Variants in TMEM31 observed in about 807,000 individuals in gnomAD.
The protein encoded by TMEM31 is testicular secretory protein Li 58.
TMEM31 carries 1 observed loss-of-function variant against 2.4 expected under a neutral mutation model. The ratio of observed to expected loss-of-function variants is 0.42; its 90% CI spans 0.15 to 1.97. The LOEUF (loss-of-function observed/expected upper bound fraction) is 1.97, where lower values mean the gene tolerates loss of function less well. TMEM31 is among the 30% of genes most tolerant of loss of function. TMEM31 has a pLI of 0.30. For synonymous variants in TMEM31, 47 were observed against 45.8 expected, an observed-to-expected ratio of 1.03 and a Z score of -0.10; for missense variants, 119 against 121.3, an observed-to-expected ratio of 0.98 and a Z score of 0.09.
At chrX:103,711,661 C>G (rs2074224539) in intron 1 of TMEM31, among the ~76,000 whole-genome samples, 1 of 111,513 alleles carries the variant, frequency 9.0e-6, no homozygotes, top group Non-Finnish European at 1.9e-5. Flanking sequence ...AGAGGGCGTA[C>G]TGCCCAGGGA....
intron 2 of TMEM31, among the ~76,000 whole-genome samples, chrX:103,713,042 C>T (rs1392373356): frequency 9.0e-6 from 1 of 110,576 alleles, no homozygotes; most frequent in African/African-American, 3.3e-5. Context: ...AAGTACTTAG[C>T]TTAACAGTGA....
intron 2 of TMEM31, among the ~76,000 whole-genome samples, chrX:103,712,867 A>G (rs1360487680): frequency 2.7e-5 from 3 of 112,085 alleles, no homozygotes; most frequent in Non-Finnish European, 5.6e-5. Context: ...AGGTTCTACT[A>G]CTAGCTAACA....
At chrX:103,711,483 CAAAAA>C (rs55932537) in intron 1 of TMEM31, among the ~76,000 whole-genome samples, 1 of 62,738 alleles carries the variant, frequency 1.6e-5, no homozygotes. Context: ...GACTCCGTCT[CAAAAA>C]AAAAAAAAAA....
chrX:103,712,107 C>T, intron 1 of TMEM31, 129 bp from the exon 2 acceptor site: 1 of 457,332 alleles, frequency 2.2e-6, no homozygotes, highest in South Asian at 3.6e-5. Flanking sequence ...TAATTGGACA[C>T]TTGCTTCTGT....
chrX:103,711,753 C>T (rs1324026151), intron 1 of TMEM31, among the ~76,000 whole-genome samples: 1 of 111,559 alleles, frequency 9.0e-6, no homozygotes, highest in Non-Finnish European at 1.9e-5. Context: ...CAGAAAGGAA[C>T]CTTAGCAAGG....
At chrX:103,711,149 T>G (rs2074221233) in intron 1 of TMEM31, 73 bp downstream of exon 1, 2 of 110,730 alleles carry the variant, frequency 1.8e-5, no homozygotes, top group Non-Finnish European at 3.8e-5. Flanking sequence ...GCAGATTTGT[T>G]CGACACAGCT....
chrX:103,713,458 C>T (rs983806976), intron 2 of TMEM31, 136 bp from the exon 3 acceptor site: 3 of 1,139,630 alleles, frequency 2.6e-6, no homozygotes, highest in African/African-American at 1.8e-5. Flanking sequence ...TGTGGGGAGG[C>T]GGAGTAGGGA....
chrX:103,711,973 T>C (rs1214491318), intron 1 of TMEM31, among the ~76,000 whole-genome samples: 1 of 111,967 alleles, frequency 8.9e-6, no homozygotes, highest in Non-Finnish European at 1.9e-5. Flanking sequence ...CTTGCCTCTC[T>C]GGCTTTAGAG....
At chrX:103,711,112 A>G (rs1013453390) in intron 1 of TMEM31, 36 bp downstream of exon 1, 1 of 110,877 alleles carries the variant, frequency 9.0e-6, no homozygotes, top group African/African-American at 3.3e-5. Flanking sequence ...CAAAACTCCT[A>G]TAAAGATAAG....
chrX:103,712,443 T>C, intron 2 of TMEM31, 83 bp downstream of exon 2: 1 of 842,075 alleles, frequency 1.2e-6, no homozygotes, highest in South Asian at 2.8e-5. Context: ...TGCCTGATTG[T>C]TGAATTCTTA....
intron 2 of TMEM31, 52 bp downstream of exon 2, chrX:103,712,412 G>A (rs751002637): frequency 2.9e-6 from 3 of 1,026,489 alleles, no homozygotes; most frequent in Non-Finnish European, 4.0e-6. Context: ...CTCTTATAAT[G>A]CTCCCCTAGA....
In TMEM31 at chrX:103,713,993, T is replaced by C. The variant is rs1359721078; in HGVS notation, c.502T>C (p.Phe168Leu). The change falls in exon 3 of 3, where the codon TTC (phenylalanine) becomes CTC (leucine). Residue 168 changes from phenylalanine to leucine, a missense_variant. Phe to Leu is a conservative substitution (Grantham distance 22). Coordinates refer to ENST00000319560, the MANE Select transcript of TMEM31 (RefSeq NM_182541.2). Reference protein sequence around the residue: ...LFIIVFILIFF With the variant: ...LFIIVFILIFL ...TATTATTGTCTTCATTCTGATCTTC[T>C]TCTGATTCTTTTGTTTCAATAAACA... is the stretch of plus-strand genomic sequence containing the variant. 1 of 1,179,474 alleles carries C rather than the reference T, an allele frequency of 8.5e-7. No homozygotes were observed. Among genetic ancestry groups the C allele is most frequent in the Non-Finnish European group, 1.1e-6 (1 of 880,448 alleles).
chrX:103,711,576 T>G (rs969647358), intron 1 of TMEM31, among the ~76,000 whole-genome samples: 3 of 111,558 alleles, frequency 2.7e-5, no homozygotes, highest in Non-Finnish European at 3.8e-5. Context: ...ACCCTTGGTA[T>G]GGGTTAGGAA....
chrX:103,713,800 A>G lies in TMEM31; in HGVS notation c.309A>G (p.Glu103=). 8.3e-7 allele frequency: 1 copy of G among 1,211,846 alleles called. No individual in the cohort carries two copies. The highest frequency in any genetic ancestry group is 1.1e-6 in the Non-Finnish European group (1 of 895,556). The part of the protein sequence containing the change: ...LYPEFLLVFK[E]AFHDISHCLK... ...CTGAATTTCTTCTGGTGTTTAAAGA[A>G]GCCTTCCATGACATATCCCATTGTC... Residue 103 remains glutamate, a synonymous_variant, in exon 3 of 3, where the codon GAA becomes GAG. Coordinates refer to ENST00000319560, the MANE Select transcript of TMEM31 (RefSeq NM_182541.2).
intron 2 of TMEM31, 133 bp from the exon 3 acceptor site, chrX:103,713,461 A>C (rs997123730): frequency 8.7e-7 from 1 of 1,149,659 alleles, no homozygotes. Context: ...GGGGAGGCGG[A>C]GTAGGGAGGA....
rs775053588 is a variant in TMEM31, at chrX:103,712,337, G to A, written c.79G>A (p.Glu27Lys). The change falls in exon 2 of 3, where the codon GAA becomes AAA. Residue 27 changes from glutamate (E) to lysine (K), a missense_variant. Transcript: ENST00000319560. ...TAATGCACCCAATGAAGATCAAGAA[G>A]AAGAAATCCAACAGTCAGAACAGGC... ...NSNAPNEDQE[E>K]EIQQSEQHTP... is the part of the protein sequence containing the mutation. 8.3e-7 allele frequency: 1 copy of A among 1,209,392 alleles called. No individual in the cohort carries two copies. Among genetic ancestry groups the A allele is most frequent in the East Asian group, 3.0e-5 (1 of 33,654 alleles).
chrX:103,712,445 G>A, intron 2 of TMEM31, 85 bp downstream of exon 2: 3 of 826,554 alleles, frequency 3.6e-6, no homozygotes, highest in Non-Finnish European at 5.1e-6. Context: ...CCTGATTGTT[G>A]AATTCTTAAC....
intron 2 of TMEM31, among the ~76,000 whole-genome samples, chrX:103,713,325 G>A (rs2074231983): frequency 9.0e-6 from 1 of 111,145 alleles, no homozygotes; most frequent in Admixed American, 9.6e-5. Context: ...CCCGACCACA[G>A]GTGATCCGCC....
intron 2 of TMEM31, among the ~76,000 whole-genome samples, chrX:103,713,274 G>C (rs1443873704): frequency 9.0e-6 from 1 of 111,538 alleles, no homozygotes. Flanking sequence ...ATTTTTAGTA[G>C]AGACAGGGCT....
Sources: gnomAD v4.1 joint callset for allele counts (sites outside exome capture counted in the v4.1 genomes callset) on GRCh38, gnomAD v4.1.1 for gene constraint, MANE v1.5 for transcripts, NCBI Gene and HGNC (gene_info 2026-07-23, HGNC 2026-07-21) for gene names.